Variants in SV2C observed in about 807,000 individuals in gnomAD.
SV2C encodes the protein synaptic vesicle glycoprotein 2C, also known as solute carrier family 22 member B3.
In SV2C, 49 loss-of-function variants were observed where a neutral mutation model predicts 79.7. The observed-to-expected ratio is 0.61, with a 90% CI of 0.49 to 0.78. SV2C has a LOEUF of 0.78. Ranked by LOEUF, SV2C falls within the 30% of genes least tolerant of loss-of-function variation. The probability of loss-of-function intolerance (pLI) is 0.00; values close to 1 mark genes in which losing one functional copy is unlikely to be tolerated. For synonymous variants in SV2C, 334 were observed against 333.2 expected, an observed-to-expected ratio of 1.00 and a Z score of -0.03; for missense variants, 833 against 912.9, an observed-to-expected ratio of 0.91 and a Z score of 1.13.
At chr5:75,989,982 GT>G in the SV2C span, among the ~76,000 whole-genome samples, 109,251 of 146,788 alleles carry the variant, frequency 0.74, 40,555 homozygotes, top group Middle Eastern at 0.83. Flanking sequence ...TTTTAATGGG[GT>G]TTTTTTTTTT....
At chr5:76,095,141 C>A (rs1384925702) in intron 1 of SV2C, among the ~76,000 whole-genome samples, 36 of 151,800 alleles carry the variant, frequency 2.4e-4, no homozygotes. Flanking sequence ...TATATAGTTT[C>A]AGAGGCTTTT....
chr5:76,037,528 G>T, the SV2C span, among the ~76,000 whole-genome samples: 1 of 152,178 alleles, frequency 6.6e-6, no homozygotes, highest in Admixed American at 6.5e-5. Context: ...ATCTGTCCCT[G>T]CTGGGGGGTG....
chr5:76,217,623 A>G (rs1167904790), intron 4 of SV2C, among the ~76,000 whole-genome samples: 1 of 152,176 alleles, frequency 6.6e-6, no homozygotes, highest in Non-Finnish European at 1.5e-5. Flanking sequence ...TCTTGTTGCT[A>G]TCAGGTCATC....
chr5:76,229,347 C>T (rs1176341672), intron 4 of SV2C, among the ~76,000 whole-genome samples: 5 of 152,234 alleles, frequency 3.3e-5, no homozygotes, highest in Admixed American at 3.3e-4. Context: ...ACATTGCTTC[C>T]TTCCTTCAGG....
chr5:76,013,270 C>G, the SV2C span, among the ~76,000 whole-genome samples: 1 of 152,160 alleles, frequency 6.6e-6, no homozygotes, highest in Non-Finnish European at 1.5e-5. Context: ...TTTGTGTCCT[C>G]TCTTATTTCT....
the SV2C span, among the ~76,000 whole-genome samples, chr5:75,851,955 G>A: frequency 1.3e-5 from 2 of 152,168 alleles, no homozygotes; most frequent in East Asian, 1.9e-4. Context: ...GAGCCACCGC[G>A]CCTGGCCGAA....
the SV2C span, among the ~76,000 whole-genome samples, chr5:75,947,171 C>T: frequency 6.6e-6 from 1 of 151,962 alleles, no homozygotes; most frequent in East Asian, 1.9e-4. Context: ...TAAATGTCTA[C>T]TAGAATATTG....
At chr5:76,131,434 C>T (rs1748885445) in intron 1 of SV2C, among the ~76,000 whole-genome samples, 1 of 149,442 alleles carries the variant, frequency 6.7e-6, no homozygotes, top group Admixed American at 6.7e-5. Context: ...ATAATAGCAG[C>T]GAAAACCCTA....
At chr5:75,983,501 T>C in the SV2C span, among the ~76,000 whole-genome samples, 1 of 151,842 alleles carries the variant, frequency 6.6e-6, no homozygotes, top group African/African-American at 2.4e-5. Flanking sequence ...AAGATGATAA[T>C]TGTAGTGCAA....
At chr5:76,122,938 T>G (rs1748573917) in intron 1 of SV2C, among the ~76,000 whole-genome samples, 1 of 152,100 alleles carries the variant, frequency 6.6e-6, no homozygotes, top group Non-Finnish European at 1.5e-5. Context: ...GGAGCTGGTT[T>G]TTTGAAAGGA....
chr5:76,285,011 C>G, intron 4 of SV2C, 151 bp from the exon 5 acceptor site: 1 of 1,153,028 alleles, frequency 8.7e-7, no homozygotes, highest in Non-Finnish European at 1.2e-6. Context: ...TAAAGCTGAG[C>G]TGGCCACCAT....
the SV2C span, among the ~76,000 whole-genome samples, chr5:75,861,527 G>C: frequency 1.2e-4 from 18 of 152,304 alleles, no homozygotes; most frequent in East Asian, 3.3e-3. Flanking sequence ...GCACTCATAT[G>C]TTCAGCACAG....
chr5:76,246,795 C>T (rs72773789), intron 4 of SV2C, among the ~76,000 whole-genome samples: 1,854 of 152,298 alleles, frequency 0.012, 16 homozygotes, highest in Admixed American at 0.025. Flanking sequence ...TGTCACCCTC[C>T]CCTACCCTAC....
chr5:75,957,496 A>G, the SV2C span, among the ~76,000 whole-genome samples: 1 of 152,026 alleles, frequency 6.6e-6, no homozygotes, highest in African/African-American at 2.4e-5. Flanking sequence ...CCAATCTACA[A>G]TGGGAGGAAG....
At chr5:76,292,425 A>C (rs1051912756) in intron 8 of SV2C, among the ~76,000 whole-genome samples, 2 of 152,136 alleles carry the variant, frequency 1.3e-5, no homozygotes, top group East Asian at 3.9e-4. Flanking sequence ...ATTCTGTATA[A>C]AGAGTAAAGC....
chr5:76,316,450 TAAG>T (rs1253595108), intron 12 of SV2C, among the ~76,000 whole-genome samples: 1 of 152,122 alleles, frequency 6.6e-6, no homozygotes, highest in East Asian at 1.9e-4. Flanking sequence ...AACACATCAC[TAAG>T]GTTTGAAAGC....
At chr5:76,098,041 G>T (rs929245780) in intron 1 of SV2C, among the ~76,000 whole-genome samples, 2 of 152,164 alleles carry the variant, frequency 1.3e-5, no homozygotes, top group Non-Finnish European at 2.9e-5. Context: ...CTCTAATTTT[G>T]ATTAGTAATG....
Position 76,331,688 on chromosome 5 carries a change from TCCTCTGGTCGACAA to T in SV2C, c.*6147_*6160del, listed in dbSNP as rs1370987284. On this transcript the variant is annotated 3_prime_UTR_variant, in exon 13 of 13. Coordinates refer to ENST00000502798, the MANE Select transcript of SV2C (RefSeq NM_014979.4). The stretch of plus-strand genomic sequence containing the variant: ...TTCCCTTTTGTTTTTTTTCTTTTCC[TCCTCTGGTCGACAA>T]CCTCTTAATTCTAGCAGTGTACAAA... The T allele has an allele frequency of 6.6e-6, 1 of 152,198 alleles. No individual in the cohort carries two copies. Among genetic ancestry groups the T allele is most frequent in the Non-Finnish European group, 1.5e-5 (1 of 68,086 alleles). The allele number at this position is 152,198 out of a possible 1,614,324, so 9.4% of individuals were successfully genotyped here. A position where few individuals can be genotyped will look rare whatever the true frequency, so the allele number is the denominator to read the frequency against.
chr5:75,883,980 T>G, the SV2C span, among the ~76,000 whole-genome samples: 2 of 152,152 alleles, frequency 1.3e-5, no homozygotes, highest in Non-Finnish European at 2.9e-5. Flanking sequence ...GTATTATTTA[T>G]TAGTCTGACA....
Sources: gnomAD v4.1 joint callset for allele counts (sites outside exome capture counted in the v4.1 genomes callset) on GRCh38, gnomAD v4.1.1 for gene constraint, MANE v1.5 for transcripts, NCBI Gene and HGNC (gene_info 2026-07-23, HGNC 2026-07-21) for gene names.